Variants in MFHAS1 observed in about 807,000 individuals in gnomAD.
MFHAS1 encodes the protein multifunctional ROCO family signaling regulator 1, also known as malignant fibrous histiocytoma-amplified sequence 1.
MFHAS1 carries 50 observed loss-of-function variants against 70.4 expected under a neutral mutation model. The observed-to-expected ratio is 0.71, with a 90% CI of 0.57 to 0.90. MFHAS1 has a LOEUF of 0.90. Among genes scored for constraint, MFHAS1 ranks in the 40% least tolerant of loss-of-function variants. The pLI, the probability that MFHAS1 is intolerant of heterozygous loss-of-function variation, is 0.00. For missense variants in MFHAS1, 1,795 were observed against 1,347.6 expected (o/e 1.33, Z -5.20); for synonymous variants, 952 against 620.0 (o/e 1.54, Z -7.96).
intron 1 of MFHAS1, among the ~76,000 whole-genome samples, chr8:8,867,914 C>A (rs1454201620): frequency 6.6e-6 from 1 of 152,122 alleles, no homozygotes; most frequent in Non-Finnish European, 1.5e-5. Flanking sequence ...GAGGGAAAGA[C>A]CAATTGTTTA....
chr8:8,863,543 C>T lies in MFHAS1; in HGVS notation c.2998+26518G>A, dbSNP rs572415451. Reference sequence around the variant, plus strand: ...GTATGATCTTTTCTTGTTCCACTGGCCATAACCCCTTGCACCCGTGGTCTC... The same window carrying T: ...GTATGATCTTTTCTTGTTCCACTGGTCATAACCCCTTGCACCCGTGGTCTC... On this transcript the variant is annotated intron_variant, in intron 1 of 2. Transcript: ENST00000276282. Among the ~76,000 whole-genome samples, 23 of 152,290 alleles carry T rather than the reference C, an allele frequency of 1.5e-4. No individual in the cohort carries two copies. The South Asian group carries it at 4.8e-3, about 32-fold the overall frequency.
intron 1 of MFHAS1, among the ~76,000 whole-genome samples, chr8:8,856,443 T>C (rs56073940): frequency 0.32 from 48,592 of 152,050 alleles, 9,189 homozygotes; most frequent in East Asian, 0.53. Context: ...TAAGGGATGG[T>C]GTGTACATAT....
intron 1 of MFHAS1, among the ~76,000 whole-genome samples, chr8:8,798,615 G>T (rs1020636265): frequency 1.3e-5 from 2 of 152,144 alleles, no homozygotes; most frequent in African/African-American, 4.8e-5. Context: ...GGGATTACAG[G>T]TGTGAGCCAC....
In MFHAS1 at chr8:8,891,733, GT is replaced by G; in HGVS notation, c.1325del (p.Asp442AlafsTer13). 2 of 1,613,376 alleles carry G rather than the reference GT, an allele frequency of 1.2e-6. No individual in the cohort carries two copies. The highest frequency in any genetic ancestry group is 1.7e-6 in the Non-Finnish European group (2 of 1,180,008). ...GTGACGGTGGGTAGCACTTCTCCTT[GT>G]CCCCTCCTCCTGGGCATCCCTCCAC... Reference protein sequence around the residue: ...ERVEGCPGGGDKEKCYPPSPP... With the variant: ...ERVEGCPGGGXKEKCYPPSPP... On this transcript the variant is annotated frameshift_variant, in exon 1 of 3. Coordinates refer to ENST00000276282, the MANE Select transcript of MFHAS1 (RefSeq NM_004225.3). LOFTEE classifies it high-confidence loss of function. The surrounding 1 kb of genome is among the most constrained non-coding windows in gnomAD (Gnocchi z 5.4).
At position 8,789,911 on chromosome 8, in the gene MFHAS1, C is replaced by T. The variant is rs569924059; in HGVS notation, c.3126-3856G>A. On this transcript the variant is annotated intron_variant, in intron 2 of 2. Transcript: ENST00000276282. ...TTATTCAAATAAGCCTGTCCTAGAC[C>T]TGCCTACCCGGCCTTGCCCGTTCCT... 1.5e-4 allele frequency among the ~76,000 whole-genome samples: 23 copies of T among 152,256 alleles called. No individual in the cohort carries two copies. The East Asian group carries it at 4.3e-3, about 28-fold the overall frequency.
At position 8,887,171 on chromosome 8, in the gene MFHAS1, C is replaced by A. The variant is rs17154882; in HGVS notation, c.2998+2890G>T. ...AAAAAACATGAAAAGGCAAAGGCTG[C>A]CAATAGATTCAAAGGGTTTCTGCTG... is the stretch of plus-strand genomic sequence containing the variant. On this transcript the variant is annotated intron_variant, in intron 1 of 2. Coordinates refer to ENST00000276282, the MANE Select transcript of MFHAS1 (RefSeq NM_004225.3). Among the ~76,000 whole-genome samples, 575 of 152,196 alleles carry A rather than the reference C, an allele frequency of 3.8e-3. 7 individuals are homozygous for A. Among genetic ancestry groups the A allele is most frequent in the African/African-American group, 0.013 (559 of 41,532 alleles).
chr8:8,826,724 C>A lies in MFHAS1; in HGVS notation c.2999-29233G>T, dbSNP rs186567229. ...CTCCAGCCTGGGTGACAGAGTGAGG[C>A]TCCATCTCAAAAAAGAGCTGGTTGG... On this transcript the variant is annotated intron_variant, in intron 1 of 2. Coordinates refer to ENST00000276282, the MANE Select transcript of MFHAS1 (RefSeq NM_004225.3). Among the ~76,000 whole-genome samples the A allele has an allele frequency of 2.0e-5, 3 of 152,266 alleles. No homozygotes were observed. In the East Asian group the frequency reaches 5.8e-4, roughly 29 times the overall value.
intron 1 of MFHAS1, among the ~76,000 whole-genome samples, chr8:8,832,413 G>C (rs372796069): frequency 8.0e-6 from 1 of 124,490 alleles, no homozygotes; most frequent in Non-Finnish European, 1.7e-5. Flanking sequence ...GCAAAAATTA[G>C]AACAAGATAC....
At chr8:8,787,769 C>A (rs1805600218) in intron 2 of MFHAS1, among the ~76,000 whole-genome samples, 1 of 152,242 alleles carries the variant, frequency 6.6e-6, no homozygotes, top group African/African-American at 2.4e-5. Flanking sequence ...CCCACTGAAT[C>A]TGACAGACCT....
At chr8:8,828,712 G>A (rs550425795) in intron 1 of MFHAS1, among the ~76,000 whole-genome samples, 4 of 152,184 alleles carry the variant, frequency 2.6e-5, no homozygotes, top group Admixed American at 6.5e-5. Flanking sequence ...TCTGTAATGC[G>A]GGCAAGGCCC....
rs1353672712 is a variant in MFHAS1, at chr8:8,893,069, C to T, written c.-11G>A. The T allele has an allele frequency of 2.7e-6, 4 of 1,473,640 alleles. No individual in the cohort carries two copies. Among genetic ancestry groups the T allele is most frequent in the South Asian group, 1.3e-5 (1 of 76,656 alleles). The allele number at this position is 1,473,640 out of a possible 1,614,324, so 91.3% of individuals were successfully genotyped here. A position where few individuals can be genotyped will look rare whatever the true frequency, so the allele number is the denominator to read the frequency against. Reference sequence around the variant, plus strand: ...GTCCATCCCAGCCATGGCGGGGCCCCGGGCCGACAGCCTCACGCGGACGCG... The same window carrying T: ...GTCCATCCCAGCCATGGCGGGGCCCTGGGCCGACAGCCTCACGCGGACGCG... On this transcript the variant is annotated 5_prime_UTR_variant, in exon 1 of 3. Coordinates refer to ENST00000276282, the MANE Select transcript of MFHAS1 (RefSeq NM_004225.3).
At chr8:8,872,253 A>G (rs920403783) in intron 1 of MFHAS1, among the ~76,000 whole-genome samples, 2 of 152,220 alleles carry the variant, frequency 1.3e-5, no homozygotes, top group Non-Finnish European at 2.9e-5. Context: ...ACAAAGAGGA[A>G]TGTACACCGT....
At chr8:8,807,919 T>C (rs1257620807) in intron 1 of MFHAS1, among the ~76,000 whole-genome samples, 1 of 152,252 alleles carries the variant, frequency 6.6e-6, no homozygotes, top group Non-Finnish European at 1.5e-5. Context: ...TGGTCCCCCA[T>C]CATCTGTGGT....
rs1220603806 is a variant in MFHAS1 at position 8,832,060 on chromosome 8, G to GCACA, written c.2999-34570_2999-34569insTGTG. Among the ~76,000 whole-genome samples, 20 of 148,806 alleles carry GCACA rather than the reference G, an allele frequency of 1.3e-4. 1 individual carries two copies. Among genetic ancestry groups the GCACA allele is most frequent in the Admixed American group, 2.7e-4 (4 of 15,068 alleles). Reference sequence around the variant, plus strand: ...AAGGCGCACATGCACGCGCGCGCGCGCGCACACACACACACACACACACAC... The same window carrying GCACA: ...AAGGCGCACATGCACGCGCGCGCGCGCACACGCACACACACACACACACACACAC... On this transcript the variant is annotated intron_variant, in intron 1 of 2. Transcript: ENST00000276282.
At chr8:8,887,544 CATAT>C (rs1170049284) in intron 1 of MFHAS1, among the ~76,000 whole-genome samples, 12 of 149,926 alleles carry the variant, frequency 8.0e-5, no homozygotes, top group Middle Eastern at 3.5e-3. Flanking sequence ...TGTATATATA[CATAT>C]ATATTTTATA....
intron 1 of MFHAS1, among the ~76,000 whole-genome samples, chr8:8,837,701 T>C (rs1385725811): frequency 1.3e-5 from 2 of 149,438 alleles, no homozygotes; most frequent in African/African-American, 2.5e-5. Context: ...ATTAGGAACA[T>C]GCAAATTTAA....
At position 8,890,626 on chromosome 8, in the gene MFHAS1, G is replaced by A. The variant is rs751100316; in HGVS notation, c.2433C>T (p.Val811=). The A allele has an allele frequency of 5.0e-6, 8 of 1,613,878 alleles. No homozygotes were observed. In the East Asian group the frequency reaches 8.9e-5, roughly 18 times the overall value. ...ACAGCTGCAAGTCCTGCTGGGCCTG[G>A]ACATGAGGCTTAAGCAGCAACCGAA... ...HVIRLLLKPH[V]QAQQDLQLLL... is the part of the protein sequence containing the mutation. The change falls in exon 1 of 3, where the codon GTC becomes GTT. Residue 811 remains valine, a synonymous_variant. Coordinates refer to ENST00000276282, the MANE Select transcript of MFHAS1 (RefSeq NM_004225.3).
chr8:8,885,736 G>T (rs900342813), intron 1 of MFHAS1, among the ~76,000 whole-genome samples: 2 of 152,246 alleles, frequency 1.3e-5, no homozygotes, highest in Admixed American at 1.3e-4. Context: ...CGGAGCCAGG[G>T]TCTTGCCCTG....
At chr8:8,856,657 A>G (rs1808450947) in intron 1 of MFHAS1, among the ~76,000 whole-genome samples, 1 of 152,214 alleles carries the variant, frequency 6.6e-6, no homozygotes, top group South Asian at 2.1e-4. Context: ...ATACTGACAC[A>G]TTAAAAAATG....
Sources: allele counts gnomAD v4.1 joint callset (sites outside exome capture counted in the v4.1 genomes callset), GRCh38; gene constraint gnomAD v4.1.1; non-coding constraint Gnocchi (gnomAD v3.1); transcripts MANE v1.5; gene names NCBI Gene and HGNC (gene_info 2026-07-23, HGNC 2026-07-21).